Variants in TUB observed in about 807,000 individuals in gnomAD.
TUB encodes tubby protein homolog.
A neutral mutation model predicts 59.7 loss-of-function variants in TUB; 33 were observed. That is an observed-to-expected ratio of 0.55 (90% CI 0.42 to 0.74). TUB has a LOEUF of 0.74. TUB is among the 30% of genes least tolerant of loss of function. The pLI, the probability that TUB is intolerant of heterozygous loss-of-function variation, is 0.00. For synonymous variants in TUB, 293 were observed against 256.4 expected, an observed-to-expected ratio of 1.14 and a Z score of -1.36; for missense variants, 659 against 672.0, an observed-to-expected ratio of 0.98 and a Z score of 0.21.
At chr11:8,019,511 C>T (rs943373424) in intron 1 of TUB, among the ~76,000 whole-genome samples, 1 of 151,482 alleles carries the variant, frequency 6.6e-6, no homozygotes, top group African/African-American at 2.4e-5. Context: ...GGACCCAGAG[C>T]CTCGGGTACG....
chr11:8,048,284 G>C (rs1942868660), intron 2 of TUB, among the ~76,000 whole-genome samples: 2 of 152,172 alleles, frequency 1.3e-5, no homozygotes, highest in Admixed American at 1.3e-4. Flanking sequence ...AATAACTGGT[G>C]AGGAAAGCTT....
upstream of TUB, among the ~76,000 whole-genome samples, chr11:8,080,882 C>A (rs974380886): frequency 6.6e-6 from 1 of 152,206 alleles, no homozygotes; most frequent in Admixed American, 6.5e-5. Flanking sequence ...GCCTCCGGCC[C>A]GGTCCCTGCC....
At chr11:8,021,833 G>A (rs535784390) in intron 1 of TUB, among the ~76,000 whole-genome samples, 19 of 150,804 alleles carry the variant, frequency 1.3e-4, no homozygotes, top group Non-Finnish European at 2.5e-4. Context: ...GGAGAATGGC[G>A]TGAACCCGGC....
In TUB at chr11:8,097,444, T is replaced by A. The variant is rs1255409825; in HGVS notation, c.885+19T>A. The A allele has an allele frequency of 4.3e-6, 7 of 1,614,060 alleles. No individual in the cohort carries two copies. In the African/African-American group the frequency reaches 5.3e-5, roughly 12 times the overall value. Reference sequence around the variant, plus strand: ...GAAGAAGGTAAGGTTGGTCTGGGCATGTTATCATCTAGGCTTTACAGCCCT... The same window carrying A: ...GAAGAAGGTAAGGTTGGTCTGGGCAAGTTATCATCTAGGCTTTACAGCCCT... On this transcript the variant is annotated intron_variant, in intron 7 of 11. Coordinates refer to ENST00000299506, the MANE Select transcript of TUB (RefSeq NM_177972.3).
intron 1 of TUB, among the ~76,000 whole-genome samples, chr11:8,029,596 T>G (rs1048266632): frequency 2.0e-5 from 3 of 152,160 alleles, no homozygotes; most frequent in Middle Eastern, 6.8e-3. Context: ...ACCAATTTGG[T>G]CAGGCTGGTC....
chr11:8,086,527 T>TG (rs1409490458), intron 1 of TUB, among the ~76,000 whole-genome samples: 2 of 152,160 alleles, frequency 1.3e-5, no homozygotes. Flanking sequence ...GGAGAGTTGT[T>TG]GCGCACTTGT....
Position 8,105,494 on chromosome 11 carries a change from G to C in TUB, c.*3875G>C, listed in dbSNP as rs553868517. ...AGAACAGATAGATTACGACAGGTTT[G>C]GTTTTTAAATTTTCCAACCAAGTGG... is the stretch of plus-strand genomic sequence containing the variant. On this transcript the variant is annotated 3_prime_UTR_variant, in exon 12 of 12. Transcript: ENST00000299506. 6.6e-6 allele frequency: 1 copy of C among 152,032 alleles called. No homozygotes were observed. Among genetic ancestry groups the C allele is most frequent in the Non-Finnish European group, 1.5e-5 (1 of 67,978 alleles). The allele number at this position is 152,032 out of a possible 1,614,324, so 9.4% of individuals were successfully genotyped here. A position where few individuals can be genotyped will look rare whatever the true frequency, so the allele number is the denominator to read the frequency against.
chr11:8,098,665 G>C lies in TUB; in HGVS notation c.999-93G>C, dbSNP rs1045795494. On this transcript the variant is annotated intron_variant, in intron 8 of 11. Transcript: ENST00000299506. ...GCCTGCTCCTGTTCCAGCCCAGAAT[G>C]TTTTGCAGGCTCCTCATAGGACAGA... 7.6e-5 allele frequency: 69 copies of C among 912,810 alleles called. No homozygotes were observed. In the African/African-American group the frequency reaches 9.9e-4, roughly 13 times the overall value. 56.5% of individuals were successfully genotyped at this position (912,810 alleles called of 1,614,324 possible).
intron 3 of TUB, among the ~76,000 whole-genome samples, chr11:8,090,559 C>T (rs1344316237): frequency 5.9e-5 from 9 of 152,234 alleles, no homozygotes; most frequent in Admixed American, 5.9e-4. Context: ...AGATGACCTG[C>T]TCCCCACCAG....
At chr11:8,089,200 G>T (rs1480566061) in intron 1 of TUB, among the ~76,000 whole-genome samples, 3 of 152,190 alleles carry the variant, frequency 2.0e-5, no homozygotes, top group African/African-American at 7.2e-5. Flanking sequence ...GGCTGGGGCT[G>T]GTGAGATCCC....
Position 8,097,877 on chromosome 11 carries a change from G to T in TUB, c.998+51G>T, listed in dbSNP as rs764759444. The T allele has an allele frequency of 2.2e-5, 31 of 1,430,414 alleles. No individual in the cohort carries two copies. The Admixed American group carries it at 5.0e-4, about 23-fold the overall frequency. The allele number at this position is 1,430,414 out of a possible 1,614,324, so 88.6% of individuals were successfully genotyped here. ...GCGGGAGTGGGAGGGAGGGGCAGGG[G>T]CAAGCTGTCTGTAGAGGGCCTGAAT... On this transcript the variant is annotated intron_variant, in intron 8 of 11. Transcript: ENST00000299506.
At chr11:8,072,840 T>C (rs1943383177) in intron 2 of TUB, among the ~76,000 whole-genome samples, 1 of 152,152 alleles carries the variant, frequency 6.6e-6, no homozygotes, top group East Asian at 1.9e-4. Context: ...TTACATAAAA[T>C]ACAAGAATGC....
exon 1 of TUB, chr11:8,038,668 G>A (rs1942687316): frequency 2.9e-6 from 4 of 1,373,928 alleles, no homozygotes; most frequent in South Asian, 1.7e-5. Context: ...GGGTTTGGGG[G>A]GAGACTGCGA....
At chr11:8,024,481 G>A (rs183383903) in intron 1 of TUB, among the ~76,000 whole-genome samples, 107 of 151,980 alleles carry the variant, frequency 7.0e-4, no homozygotes, top group Non-Finnish European at 1.1e-3. Context: ...TCTGCACCCC[G>A]TGTGTTATGT....
chr11:8,104,501 G>T lies in TUB; in HGVS notation c.*2882G>T, dbSNP rs551555414. The T allele has an allele frequency of 2.7e-4, 41 of 152,330 alleles. No homozygotes were observed. Among genetic ancestry groups the T allele is most frequent in the African/African-American group, 9.6e-4 (40 of 41,552 alleles). 9.4% of individuals were successfully genotyped at this position (152,330 alleles called of 1,614,324 possible). A position where few individuals can be genotyped will look rare whatever the true frequency, so the allele number is the denominator to read the frequency against. On this transcript the variant is annotated 3_prime_UTR_variant, in exon 12 of 12. Coordinates refer to ENST00000299506, the MANE Select transcript of TUB (RefSeq NM_177972.3). ...AGCAATCAACTGAGGTTTCTTAATT[G>T]TGATTATATTCCTGAGAATGAATGA...
chr11:8,027,206 A>G (rs1468944736), intron 1 of TUB, among the ~76,000 whole-genome samples: 1 of 152,182 alleles, frequency 6.6e-6, no homozygotes, highest in Non-Finnish European at 1.5e-5. Flanking sequence ...CATCACCACT[A>G]TCTATTTTCA....
At chr11:8,088,443 C>T (rs539986033) in intron 1 of TUB, among the ~76,000 whole-genome samples, 20 of 152,188 alleles carry the variant, frequency 1.3e-4, no homozygotes, top group African/African-American at 4.1e-4. Context: ...ACGCACACTG[C>T]GCTCACCTTC....
At chr11:8,032,147 A>G (rs78718580) in intron 1 of TUB, among the ~76,000 whole-genome samples, 6,072 of 152,196 alleles carry the variant, frequency 0.04, 419 homozygotes, top group African/African-American at 0.14. Flanking sequence ...GGCCTGGGGA[A>G]AGGCCGGGAG....
chr11:8,050,343 G>A (rs11041719), intron 2 of TUB, among the ~76,000 whole-genome samples: 59,417 of 152,022 alleles, frequency 0.39, 13,475 homozygotes, highest in Middle Eastern at 0.6. Context: ...CATGAGGTGC[G>A]TACCTAGGAG....
Sources: allele counts gnomAD v4.1 joint callset (sites outside exome capture counted in the v4.1 genomes callset), GRCh38; gene constraint gnomAD v4.1.1; transcripts MANE v1.5; gene names NCBI Gene and HGNC (gene_info 2026-07-23, HGNC 2026-07-21).